PTPRM: variants seen among roughly 807,000 people sequenced by gnomAD.
PTPRM encodes the protein receptor-type tyrosine-protein phosphatase mu.
A neutral mutation model predicts 186.7 loss-of-function variants in PTPRM; 47 were observed. That is an observed-to-expected ratio of 0.25 (90% confidence interval 0.20 to 0.32). PTPRM has a LOEUF of 0.32. Ranked by LOEUF, PTPRM falls within the 10% of genes least tolerant of loss-of-function variation. PTPRM has a pLI of 1.00. For synonymous variants in PTPRM, 668 were observed against 674.9 expected (o/e 0.99, Z 0.16); for missense variants, 1,494 against 1,865.0 (o/e 0.80, Z 3.66).
chr18:7,877,478 G>C (rs556407005), intron 2 of PTPRM, among the ~76,000 whole-genome samples: 1 of 152,270 alleles, frequency 6.6e-6, no homozygotes, highest in East Asian at 1.9e-4. Flanking sequence ...TTGTCTTCTA[G>C]GCTAAGTTCA....
chr18:8,055,579 C>T (rs997011010), intron 7 of PTPRM, among the ~76,000 whole-genome samples: 42 of 152,142 alleles, frequency 2.8e-4, no homozygotes, highest in Non-Finnish European at 5.7e-4. Context: ...TTAGAAGTGG[C>T]ACGCAAATTT....
intron 7 of PTPRM, among the ~76,000 whole-genome samples, chr18:7,960,480 TACAC>T (rs74175819): frequency 7.6e-4 from 66 of 86,534 alleles, no homozygotes; most frequent in Middle Eastern, 5.4e-3. Flanking sequence ...TATATATATA[TACAC>T]ACACACACAC....
At chr18:7,789,946 C>T (rs773024596) in intron 2 of PTPRM, among the ~76,000 whole-genome samples, 6 of 152,150 alleles carry the variant, frequency 3.9e-5, no homozygotes, top group Non-Finnish European at 8.8e-5. Flanking sequence ...CTTCTTTTCT[C>T]ATTTAATTTA....
intron 1 of PTPRM, among the ~76,000 whole-genome samples, chr18:7,669,174 A>C (rs1272702488): frequency 6.6e-6 from 1 of 152,090 alleles, no homozygotes; most frequent in Non-Finnish European, 1.5e-5. Context: ...AAACCACTGA[A>C]GCAGTGGGGA....
chr18:7,636,302 T>A (rs377258278), intron 1 of PTPRM, among the ~76,000 whole-genome samples: 1 of 152,186 alleles, frequency 6.6e-6, no homozygotes, highest in East Asian at 1.9e-4. Flanking sequence ...TTGCTTTTTA[T>A]GGATGGCTTA....
At chr18:8,126,027 ATTT>A (rs752110255) in intron 13 of PTPRM, among the ~76,000 whole-genome samples, 6 of 69,508 alleles carry the variant, frequency 8.6e-5, no homozygotes, top group South Asian at 5.5e-4. Context: ...ATATATATAT[ATTT>A]TAAATCAGTA....
At chr18:7,717,224 C>T (rs2040353755) in intron 1 of PTPRM, among the ~76,000 whole-genome samples, 1 of 152,126 alleles carries the variant, frequency 6.6e-6, no homozygotes, top group South Asian at 2.1e-4. Context: ...GTTGCCTTTT[C>T]CTAAAACACC....
At position 7,568,222 on chromosome 18, in the gene PTPRM, A is replaced by C. The variant is rs2036477817; in HGVS notation, c.73+331A>C. ...CTCTTGAGTCCCTGGCCGGCTGCAA[A>C]AGGAACAGCAGAAAACTTTGCTTGA... On this transcript the variant is annotated intron_variant, in intron 1 of 32. Transcript: ENST00000580170. The surrounding 1 kb of genome is among the most constrained non-coding windows in gnomAD (Gnocchi z 5.1). 6.6e-6 allele frequency among the ~76,000 whole-genome samples: 1 copy of C among 151,734 alleles called. No individual in the cohort carries two copies. Among genetic ancestry groups the C allele is most frequent in the Non-Finnish European group, 1.5e-5 (1 of 67,864 alleles).
intron 7 of PTPRM, among the ~76,000 whole-genome samples, chr18:8,059,250 CTGTT>C (rs1162628594): frequency 8.4e-6 from 1 of 119,664 alleles, no homozygotes; most frequent in Non-Finnish European, 1.7e-5. Context: ...ATTTGGCTCT[CTGTT>C]TGTCTGTTGT....
At chr18:7,947,272 G>C (rs1015029417) in intron 5 of PTPRM, among the ~76,000 whole-genome samples, 9 of 152,150 alleles carry the variant, frequency 5.9e-5, no homozygotes, top group African/African-American at 2.2e-4. Context: ...TCTCCCAGCA[G>C]CCCTGACAGT....
chr18:7,827,875 C>T (rs1453773939), intron 2 of PTPRM, among the ~76,000 whole-genome samples: 2 of 152,140 alleles, frequency 1.3e-5, no homozygotes, highest in Non-Finnish European at 2.9e-5. Flanking sequence ...CTAGAAAGTC[C>T]ACCCACATAT....
At chr18:7,883,693 C>T (rs2048620712) in intron 2 of PTPRM, among the ~76,000 whole-genome samples, 2 of 152,176 alleles carry the variant, frequency 1.3e-5, no homozygotes, top group East Asian at 1.9e-4. Context: ...TCCCCAAAAA[C>T]GTAAGGGGAA....
chr18:7,726,338 G>A (rs1009751534), intron 1 of PTPRM, among the ~76,000 whole-genome samples: 8 of 152,000 alleles, frequency 5.3e-5, no homozygotes, highest in African/African-American at 1.9e-4. Flanking sequence ...ATTTTTAATT[G>A]GGTCATTTCT....
chr18:8,390,164 G>A (rs777584658), intron 31 of PTPRM, among the ~76,000 whole-genome samples: 2 of 152,310 alleles, frequency 1.3e-5, no homozygotes, highest in East Asian at 1.9e-4. Flanking sequence ...GGACAGATCC[G>A]TACCTCAGCG....
chr18:8,287,131 A>C (rs1314259288), intron 19 of PTPRM, among the ~76,000 whole-genome samples: 1 of 152,074 alleles, frequency 6.6e-6, no homozygotes, highest in Non-Finnish European at 1.5e-5. Context: ...CAAGAATAAA[A>C]CCCCCACCCA....
At chr18:7,718,711 A>G (rs1260134864) in intron 1 of PTPRM, among the ~76,000 whole-genome samples, 1 of 152,178 alleles carries the variant, frequency 6.6e-6, no homozygotes, top group Non-Finnish European at 1.5e-5. Flanking sequence ...CCAACAAATC[A>G]GCCAGAAAGA....
intron 17 of PTPRM, among the ~76,000 whole-genome samples, chr18:8,249,200 T>C (rs1326149388): frequency 6.6e-6 from 1 of 152,122 alleles, no homozygotes; most frequent in South Asian, 2.1e-4. Context: ...ACATGATTTT[T>C]CCCCCCTCTG....
intron 1 of PTPRM, among the ~76,000 whole-genome samples, chr18:7,607,924 G>A (rs771166477): frequency 2.0e-5 from 3 of 152,192 alleles, no homozygotes; most frequent in Non-Finnish European, 4.4e-5. Flanking sequence ...TGAGGCAGTA[G>A]CCAGCTTATT....
At chr18:7,757,965 A>G (rs2041585057) in intron 1 of PTPRM, among the ~76,000 whole-genome samples, 1 of 152,040 alleles carries the variant, frequency 6.6e-6, no homozygotes, top group African/African-American at 2.4e-5. Flanking sequence ...GCCATAGCAA[A>G]ATGGCCATAA....
Sources: gnomAD v4.1 joint callset for allele counts (sites outside exome capture counted in the v4.1 genomes callset) on GRCh38, gnomAD v4.1.1 for gene constraint, Gnocchi (gnomAD v3.1) non-coding constraint, MANE v1.5 for transcripts, NCBI Gene and HGNC (gene_info 2026-07-23, HGNC 2026-07-21) for gene names.